The following HEMK2 variants were observed in gnomAD, a reference collection of about 807,000 sequenced individuals.
HEMK2 encodes HemK methyltransferase 2, ETF1 glutamine and histone H4 lysine.
chr21:28,690,337 A>G, the HEMK2 span, among the ~76,000 whole-genome samples: 13 of 152,160 alleles, frequency 8.5e-5, no homozygotes, highest in Non-Finnish European at 1.9e-4. Context: ...CAAGAAACTG[A>G]ATTGTGGCAA....
chr21:28,818,815 T>A, the HEMK2 span, among the ~76,000 whole-genome samples: 3 of 152,210 alleles, frequency 2.0e-5, 1 homozygote, highest in African/African-American at 7.2e-5. Flanking sequence ...GTGGTTTTCA[T>A]GGCCTCCCCA....
the HEMK2 span, among the ~76,000 whole-genome samples, chr21:28,758,282 C>T: frequency 6.6e-6 from 1 of 152,114 alleles, no homozygotes; most frequent in Admixed American, 6.6e-5. Flanking sequence ...ACAAGAAAGG[C>T]AGGAGCCATG....
At chr21:28,841,229 TA>T in the HEMK2 span, among the ~76,000 whole-genome samples, 2 of 9,628 alleles carry the variant, frequency 2.1e-4, 1 homozygote, top group African/African-American at 1.5e-3. Context: ...TATTATATAT[TA>T]TATATATTTA....
the HEMK2 span, among the ~76,000 whole-genome samples, chr21:28,781,568 A>G: frequency 6.6e-6 from 1 of 152,226 alleles, no homozygotes; most frequent in Non-Finnish European, 1.5e-5. Context: ...CAGCAATGGT[A>G]AAAGGTACAT....
chr21:28,752,850 C>T, the HEMK2 span, among the ~76,000 whole-genome samples: 1 of 152,160 alleles, frequency 6.6e-6, no homozygotes, highest in Admixed American at 6.5e-5. Flanking sequence ...CAGGAGCACC[C>T]CACTGTCATG....
chr21:28,811,375 AAAGG>A, the HEMK2 span, among the ~76,000 whole-genome samples: 13 of 143,764 alleles, frequency 9.0e-5, no homozygotes, highest in Admixed American at 3.5e-4. Context: ...GGAAGGAAGG[AAAGG>A]AAGGAAGGAA....
chr21:28,750,329 C>T, the HEMK2 span, among the ~76,000 whole-genome samples: 2 of 152,232 alleles, frequency 1.3e-5, no homozygotes, highest in South Asian at 4.1e-4. Context: ...CCAGTACAGA[C>T]ACACAGTTTA....
At chr21:28,688,590 A>G in the HEMK2 span, among the ~76,000 whole-genome samples, 1 of 151,994 alleles carries the variant, frequency 6.6e-6, no homozygotes, top group African/African-American at 2.4e-5. Context: ...TAGGTTCTCA[A>G]TAAATGTTGT....
At chr21:28,679,886 G>T in the HEMK2 span, among the ~76,000 whole-genome samples, 8 of 152,144 alleles carry the variant, frequency 5.3e-5, no homozygotes, top group African/African-American at 1.7e-4. Context: ...GAATCTCTGG[G>T]ACACATTCAA....
chr21:28,777,575 C>A, the HEMK2 span, among the ~76,000 whole-genome samples: 3 of 152,058 alleles, frequency 2.0e-5, no homozygotes, highest in African/African-American at 4.8e-5. Flanking sequence ...AAGGTGACAC[C>A]AGGATGAAAT....
the HEMK2 span, among the ~76,000 whole-genome samples, chr21:28,666,940 C>G: frequency 6.6e-6 from 1 of 151,966 alleles, no homozygotes; most frequent in African/African-American, 2.4e-5. Context: ...ATTTTTTCTT[C>G]AAAGAAACAG....
chr21:28,852,451 G>A, the HEMK2 span, among the ~76,000 whole-genome samples: 1 of 152,176 alleles, frequency 6.6e-6, no homozygotes, highest in African/African-American at 2.4e-5. Context: ...GAACGACAAT[G>A]ACATTTTGTG....
the HEMK2 span, among the ~76,000 whole-genome samples, chr21:28,707,746 A>C: frequency 8.7e-4 from 132 of 152,268 alleles, no homozygotes; most frequent in Non-Finnish European, 1.3e-3. Flanking sequence ...ACCGAGAATA[A>C]GTCAAATGTA....
At chr21:28,801,641 A>C in the HEMK2 span, among the ~76,000 whole-genome samples, 19 of 151,788 alleles carry the variant, frequency 1.3e-4, no homozygotes, top group East Asian at 3.7e-3. Context: ...AGAAATCAAC[A>C]AGAAAAGACC....
the HEMK2 span, among the ~76,000 whole-genome samples, chr21:28,619,288 A>C: frequency 2.5e-4 from 38 of 152,252 alleles, no homozygotes; most frequent in Admixed American, 5.9e-4. Flanking sequence ...TATAACAAAG[A>C]GTCTGCAAAA....
the HEMK2 span, among the ~76,000 whole-genome samples, chr21:28,669,689 C>T: frequency 6.6e-6 from 1 of 152,274 alleles, no homozygotes; most frequent in African/African-American, 2.4e-5. Flanking sequence ...CCAGCTGGAC[C>T]CAACTTGAAT....
the HEMK2 span, among the ~76,000 whole-genome samples, chr21:28,732,220 G>T: frequency 6.6e-6 from 1 of 152,244 alleles, no homozygotes; most frequent in Non-Finnish European, 1.5e-5. Flanking sequence ...GTCTCTTCAA[G>T]ATTTCATGTC....
chr21:28,761,130 G>A, the HEMK2 span, among the ~76,000 whole-genome samples: 18,940 of 151,940 alleles, frequency 0.12, 2,030 homozygotes, highest in African/African-American at 0.28. Flanking sequence ...ACAAATATAA[G>A]TTAGCTGAAA....
At chr21:28,718,121 G>A in the HEMK2 span, among the ~76,000 whole-genome samples, 1 of 152,068 alleles carries the variant, frequency 6.6e-6, no homozygotes, top group Non-Finnish European at 1.5e-5. Flanking sequence ...GGTATGTTGT[G>A]TCTGTTTTCA....
Sources: gnomAD v4.1 joint callset for allele counts (sites outside exome capture counted in the v4.1 genomes callset) on GRCh38, gnomAD v4.1.1 for gene constraint, MANE v1.5 for transcripts, NCBI Gene and HGNC (gene_info 2026-07-23, HGNC 2026-07-21) for gene names.